The following LHFPL6 variants were observed in gnomAD, a reference collection of about 807,000 sequenced individuals.
LHFPL6 encodes the protein LHFPL tetraspan subfamily member 6.
LHFPL6 carries 9 observed loss-of-function variants against 20.6 expected under a neutral mutation model. The ratio of observed to expected loss-of-function variants is 0.44; its 90% CI spans 0.26 to 0.76. The LOEUF (loss-of-function observed/expected upper bound fraction) is 0.76, where lower values mean the gene tolerates loss of function less well. Ranked by LOEUF, LHFPL6 falls within the 30% of genes least tolerant of loss-of-function variation. The pLI, the probability that LHFPL6 is intolerant of heterozygous loss-of-function variation, is 0.20. For missense variants in LHFPL6, 218 were observed against 253.5 expected (o/e 0.86, Z 0.95); for synonymous variants, 105 against 98.7 (o/e 1.06, Z -0.38).
intron 3 of LHFPL6, among the ~76,000 whole-genome samples, chr13:39,361,995 A>G (rs2138345605): frequency 6.6e-6 from 1 of 152,336 alleles, no homozygotes; most frequent in East Asian, 1.9e-4. Context: ...GGTGAAAGGA[A>G]TATAGGACTT....
intron 2 of LHFPL6, among the ~76,000 whole-genome samples, chr13:39,459,502 G>C (rs538468600): frequency 1.2e-4 from 18 of 152,174 alleles, no homozygotes; most frequent in Non-Finnish European, 2.4e-4. Flanking sequence ...CTGGCTGGAA[G>C]GTAGCTGACT....
intron 2 of LHFPL6, among the ~76,000 whole-genome samples, chr13:39,527,512 A>G (rs1870329392): frequency 6.6e-6 from 1 of 152,110 alleles, no homozygotes; most frequent in African/African-American, 2.4e-5. Flanking sequence ...TCCAGAAAAA[A>G]AAAAAAAAAG....
intron 2 of LHFPL6, among the ~76,000 whole-genome samples, chr13:39,560,739 T>C (rs890982762): frequency 4.6e-5 from 7 of 152,024 alleles, no homozygotes; most frequent in Non-Finnish European, 8.8e-5. Flanking sequence ...ATGGTCTCTA[T>C]CTCCTGACCT....
intron 2 of LHFPL6, among the ~76,000 whole-genome samples, chr13:39,403,123 T>C (rs893861537): frequency 2.6e-5 from 4 of 152,232 alleles, no homozygotes; most frequent in Admixed American, 6.5e-5. Flanking sequence ...TAGACTCCCA[T>C]CTATTGAGAA....
chr13:39,515,166 G>A (rs1174872117), intron 2 of LHFPL6, among the ~76,000 whole-genome samples: 1 of 152,100 alleles, frequency 6.6e-6, no homozygotes, highest in East Asian at 1.9e-4. Context: ...TACACTTTAT[G>A]GTATTTCTGA....
At chr13:39,516,410 G>A (rs1187407095) in intron 2 of LHFPL6, among the ~76,000 whole-genome samples, 1 of 152,200 alleles carries the variant, frequency 6.6e-6, no homozygotes, top group Non-Finnish European at 1.5e-5. Context: ...TTGCTGTCAT[G>A]GGGTAACAAA....
intron 2 of LHFPL6, among the ~76,000 whole-genome samples, chr13:39,410,255 T>C (rs1452319647): frequency 6.6e-6 from 1 of 152,230 alleles, no homozygotes; most frequent in Non-Finnish European, 1.5e-5. Flanking sequence ...AATTTATGCA[T>C]TCATTTGGCT....
intron 3 of LHFPL6, among the ~76,000 whole-genome samples, chr13:39,345,512 CAAAAAAAAAAAAAA>C (rs71077225): frequency 0.011 from 459 of 43,472 alleles, 10 homozygotes; most frequent in Admixed American, 0.038. Context: ...GACTCCATCT[CAAAAAAAAAAAAAA>C]AAAAAAAAAA....
chr13:39,541,814 G>C (rs1256535553), intron 2 of LHFPL6, among the ~76,000 whole-genome samples: 1 of 152,132 alleles, frequency 6.6e-6, no homozygotes, highest in Non-Finnish European at 1.5e-5. Context: ...GGTTGGCTGG[G>C]TGCAGTGGCT....
intron 2 of LHFPL6, among the ~76,000 whole-genome samples, chr13:39,532,411 T>C (rs1325699569): frequency 6.6e-6 from 1 of 152,200 alleles, no homozygotes; most frequent in African/African-American, 2.4e-5. Context: ...CACTATTTTT[T>C]CCAGTAAAAT....
chr13:39,441,512 T>A (rs1872133668), intron 2 of LHFPL6, among the ~76,000 whole-genome samples: 1 of 149,822 alleles, frequency 6.7e-6, no homozygotes, highest in South Asian at 2.1e-4. Flanking sequence ...AAAAAATACT[T>A]TATTATTATT....
At chr13:39,360,126 A>G (rs61945285) in intron 3 of LHFPL6, among the ~76,000 whole-genome samples, 1 of 83,582 alleles carries the variant, frequency 1.2e-5, no homozygotes, top group African/African-American at 3.4e-5. Context: ...GTTCATGCCA[A>G]TCTCCTGCCC....
At position 39,601,137 on chromosome 13, in the gene LHFPL6, A is replaced by C. The variant is rs756383689; in HGVS notation, c.80T>G (p.Phe27Cys). The change falls in exon 2 of 4, where the codon TTC becomes TGC. Residue 27 changes from phenylalanine (F) to cysteine (C), a missense_variant. Coordinates refer to ENST00000379589, the MANE Select transcript of LHFPL6 (RefSeq NM_005780.3). The stretch of plus-strand genomic sequence containing the variant: ...TCCCCAGAGCCAGTAAGGCATAAAG[A>C]ACCCCACGCAGGAGGTGGCAGCACA... ...FLCAATSCVG[F>C]FMPYWLWGSQ... is the part of the protein sequence containing the mutation. 3.2e-5 allele frequency: 51 copies of C among 1,614,060 alleles called. No individual in the cohort carries two copies. Among genetic ancestry groups the C allele is most frequent in the Non-Finnish European group, 4.2e-5 (49 of 1,180,046 alleles).
intron 3 of LHFPL6, among the ~76,000 whole-genome samples, chr13:39,376,399 T>G (rs1277699376): frequency 6.6e-6 from 1 of 152,154 alleles, no homozygotes; most frequent in East Asian, 1.9e-4. Flanking sequence ...CTAAACCAGA[T>G]TTAGGAAAGC....
chr13:39,556,481 A>T (rs915168595), intron 2 of LHFPL6, among the ~76,000 whole-genome samples: 8 of 152,188 alleles, frequency 5.3e-5, no homozygotes, highest in Admixed American at 5.2e-4. Flanking sequence ...CCTGGCGAAG[A>T]ACTTGGCTGT....
At chr13:39,403,167 G>A (rs1463187568) in intron 2 of LHFPL6, among the ~76,000 whole-genome samples, 2 of 152,154 alleles carry the variant, frequency 1.3e-5, no homozygotes, top group African/African-American at 2.4e-5. Context: ...CATTGTGTGA[G>A]GTATGGGAGA....
intron 2 of LHFPL6, among the ~76,000 whole-genome samples, chr13:39,545,339 T>C (rs1019474297): frequency 6.6e-6 from 1 of 151,156 alleles, no homozygotes; most frequent in Admixed American, 6.6e-5. Flanking sequence ...TGGTATTGGC[T>C]CTCTCACCAC....
intron 2 of LHFPL6, among the ~76,000 whole-genome samples, chr13:39,593,689 G>A (rs1014654209): frequency 2.0e-5 from 3 of 152,154 alleles, no homozygotes; most frequent in African/African-American, 7.2e-5. Flanking sequence ...CAAAGCTGGA[G>A]GCATCACACT....
intron 2 of LHFPL6, among the ~76,000 whole-genome samples, chr13:39,430,915 C>G (rs573909527): frequency 6.6e-6 from 1 of 152,232 alleles, no homozygotes; most frequent in Non-Finnish European, 1.5e-5. Context: ...TCCCCTTCCA[C>G]GCTGTTCAAG....
Sources: gnomAD v4.1 joint callset for allele counts (sites outside exome capture counted in the v4.1 genomes callset) on GRCh38, gnomAD v4.1.1 for gene constraint, MANE v1.5 for transcripts, NCBI Gene and HGNC (gene_info 2026-07-23, HGNC 2026-07-21) for gene names.